The following PHTF2 variants were observed in gnomAD, a reference collection of about 807,000 sequenced individuals.
PHTF2 encodes putative homeodomain transcription factor 2.
In PHTF2, 60 loss-of-function variants were observed where a neutral mutation model predicts 101.2. The observed-to-expected ratio is 0.59, with a 90% CI of 0.48 to 0.73. The LOEUF is 0.73. Among genes scored for constraint, PHTF2 ranks in the 30% least tolerant of loss-of-function variants. The pLI is 0.00. For missense variants in PHTF2, 747 were observed against 908.7 expected (o/e 0.82, Z 2.29); for synonymous variants, 311 against 307.3 (o/e 1.01, Z -0.13).
intron 3 of PHTF2, among the ~76,000 whole-genome samples, chr7:77,890,029 C>T (rs537017430): frequency 2.1e-4 from 32 of 150,700 alleles, no homozygotes; most frequent in Admixed American, 7.3e-4. Context: ...CGCGCCCCCC[C>T]CCACCACCAT....
At chr7:77,898,318 T>C (rs1801066517) in intron 5 of PHTF2, among the ~76,000 whole-genome samples, 1 of 152,182 alleles carries the variant, frequency 6.6e-6, no homozygotes, top group African/African-American at 2.4e-5. Flanking sequence ...AAGGTTACTT[T>C]CAAGTTGTTA....
intron 2 of PHTF2, among the ~76,000 whole-genome samples, chr7:77,849,861 C>G (rs1184617109): frequency 6.6e-6 from 1 of 152,174 alleles, no homozygotes; most frequent in East Asian, 1.9e-4. Context: ...TGATTGCATT[C>G]TGCAACTTGA....
intron 1 of PHTF2, among the ~76,000 whole-genome samples, chr7:77,837,995 G>T (rs1464091220): frequency 2.0e-5 from 3 of 152,078 alleles, no homozygotes; most frequent in Admixed American, 6.5e-5. Flanking sequence ...ATTGGGTAAA[G>T]TGAAAAGAGG....
chr7:77,827,386 A>G (rs1012114926), intron 1 of PHTF2, among the ~76,000 whole-genome samples: 3 of 151,974 alleles, frequency 2.0e-5, no homozygotes, highest in African/African-American at 7.3e-5. Flanking sequence ...ACGGAGTCTC[A>G]CTCTGTCACC....
At chr7:77,808,254 CTG>C (rs1793146969) in intron 1 of PHTF2, among the ~76,000 whole-genome samples, 1 of 152,144 alleles carries the variant, frequency 6.6e-6, no homozygotes, top group African/African-American at 2.4e-5. Context: ...TGCATTGAAT[CTG>C]TAGATTGCTT....
intron 3 of PHTF2, chr7:77,854,972 G>A: frequency 1.7e-6 from 1 of 579,724 alleles, no homozygotes; most frequent in East Asian, 2.8e-5. Flanking sequence ...CTACCCTACT[G>A]TGGCTGAGCT....
At chr7:77,949,456 A>G (rs1273118834) in intron 16 of PHTF2, among the ~76,000 whole-genome samples, 1 of 152,144 alleles carries the variant, frequency 6.6e-6, no homozygotes, top group Non-Finnish European at 1.5e-5. Flanking sequence ...AATCTGAAAG[A>G]GATGTTGCAA....
chr7:77,949,893 T>A, intron 17 of PHTF2, 60 bp downstream of exon 16: 1 of 916,682 alleles, frequency 1.1e-6, no homozygotes, highest in Non-Finnish European at 1.6e-6. Flanking sequence ...TGTTTTCATT[T>A]CCTTTATGTT....
chr7:77,802,261 A>C (rs1042837161), intron 1 of PHTF2, among the ~76,000 whole-genome samples: 17 of 152,226 alleles, frequency 1.1e-4, no homozygotes, highest in African/African-American at 3.4e-4. Context: ...GGGCAAAGTG[A>C]GTACTACCCA....
intron 3 of PHTF2, among the ~76,000 whole-genome samples, chr7:77,892,001 G>C (rs1031916050): frequency 6.6e-6 from 1 of 152,196 alleles, no homozygotes; most frequent in Non-Finnish European, 1.5e-5. Context: ...AGAATAGCCG[G>C]GTGCGTTGGC....
exon 20 of PHTF2, chr7:77,956,765 G>A (rs1000825740): frequency 6.6e-6 from 1 of 152,534 alleles, no homozygotes; most frequent in Admixed American, 6.5e-5. Context: ...AGGAATAAAA[G>A]ATGAAACTAT....
chr7:77,925,671 G>C (rs905368266), intron 11 of PHTF2, among the ~76,000 whole-genome samples: 8 of 151,666 alleles, frequency 5.3e-5, no homozygotes, highest in African/African-American at 1.7e-4. Context: ...CGCCCTGTTG[G>C]CTAGGCTGGT....
intron 2 of PHTF2, among the ~76,000 whole-genome samples, chr7:77,850,988 T>C (rs961488482): frequency 5.9e-5 from 9 of 152,222 alleles, no homozygotes; most frequent in Non-Finnish European, 1.2e-4. Flanking sequence ...TGATGAATGA[T>C]CTTTTTAATG....
intron 2 of PHTF2, among the ~76,000 whole-genome samples, chr7:77,842,229 G>T (rs959890470): frequency 1.2e-4 from 18 of 152,008 alleles, no homozygotes; most frequent in Admixed American, 1.0e-3. Flanking sequence ...TTGAGACAGG[G>T]TCTCACTCTG....
At position 77,900,792 on chromosome 7, in the gene PHTF2, A is replaced by C. The variant is rs780251431; in HGVS notation, c.286+12A>C. 1.5e-5 allele frequency: 20 copies of C among 1,323,636 alleles called. No individual in the cohort carries two copies. Among genetic ancestry groups the C allele is most frequent in the Admixed American group, 3.4e-5 (2 of 59,510 alleles). 82.0% of individuals were successfully genotyped at this position (1,323,636 alleles called of 1,614,324 possible). ...TGATCTTGTAAGAGGTGAGTCTGAT[A>C]AATAAATGCTTAATACAAGTAGACA... On this transcript the variant is annotated intron_variant, in intron 6 of 19. Coordinates refer to ENST00000416283, the Ensembl canonical transcript of PHTF2.
chr7:77,952,045 G>T (rs957836242), intron 18 of PHTF2, among the ~76,000 whole-genome samples: 1 of 151,904 alleles, frequency 6.6e-6, no homozygotes, highest in African/African-American at 2.4e-5. Context: ...TTTTTATTTT[G>T]TATTTCTCAG....
At chr7:77,800,550 C>T (rs1792455085) in intron 1 of PHTF2, among the ~76,000 whole-genome samples, 2 of 152,070 alleles carry the variant, frequency 1.3e-5, no homozygotes, top group Non-Finnish European at 2.9e-5. Context: ...GTCAAGCCTC[C>T]AAGAGTAAAC....
intron 11 of PHTF2, chr7:77,923,421 A>G (rs559188203): frequency 1.0e-6 from 1 of 984,208 alleles, no homozygotes; most frequent in African/African-American, 1.7e-5. Flanking sequence ...CTATGTTAGT[A>G]ATTTTTTCCT....
At chr7:77,883,740 T>A (rs1799593952) in intron 3 of PHTF2, among the ~76,000 whole-genome samples, 1 of 152,212 alleles carries the variant, frequency 6.6e-6, no homozygotes, top group Non-Finnish European at 1.5e-5. Context: ...TCCCCACACC[T>A]TTCTAACTAC....
Sources: allele counts gnomAD v4.1 joint callset (sites outside exome capture counted in the v4.1 genomes callset), GRCh38; gene constraint gnomAD v4.1.1; transcripts MANE v1.5; gene names NCBI Gene and HGNC (gene_info 2026-07-23, HGNC 2026-07-21).